SUCLG2: variants seen among roughly 807,000 people sequenced by gnomAD.
The protein encoded by SUCLG2 is succinate--CoA ligase [GDP-forming] subunit beta, mitochondrial.
SUCLG2 carries 42 observed loss-of-function variants against 47.9 expected under a neutral mutation model. The ratio of observed to expected loss-of-function variants is 0.88; its 90% confidence interval spans 0.69 to 1.14. The LOEUF (loss-of-function observed/expected upper bound fraction) is 1.14, where lower values mean the gene tolerates loss of function less well. Ranked by LOEUF, SUCLG2 falls within the 50% of genes most tolerant of loss-of-function variation. The probability of loss-of-function intolerance (pLI) is 0.00; values close to 1 mark genes in which losing one functional copy is unlikely to be tolerated. For missense variants in SUCLG2, 571 were observed against 525.9 expected, an observed-to-expected ratio of 1.09 and a Z score of -0.84; for synonymous variants, 195 against 197.3, an observed-to-expected ratio of 0.99 and a Z score of 0.10.
At chr3:67,520,708 C>T in intron 4 of SUCLG2, 74 bp from the exon 5 acceptor site, 1 of 1,506,630 alleles carries the variant, frequency 6.6e-7, no homozygotes, top group Non-Finnish European at 8.9e-7. Context: ...TACAAACTTG[C>T]TACACGAATC....
chr3:67,416,662 T>C (rs1396112248), intron 9 of SUCLG2, among the ~76,000 whole-genome samples: 1 of 152,196 alleles, frequency 6.6e-6, no homozygotes, highest in Admixed American at 6.5e-5. Flanking sequence ...ACTGTGGAGT[T>C]AACATCACAA....
At chr3:67,539,975 T>C (rs996470662) in intron 2 of SUCLG2, among the ~76,000 whole-genome samples, 2 of 152,050 alleles carry the variant, frequency 1.3e-5, no homozygotes, top group African/African-American at 4.8e-5. Context: ...GCTAGCAGAC[T>C]ATCTATTTTG....
intron 1 of SUCLG2, among the ~76,000 whole-genome samples, chr3:67,618,375 C>T (rs1239144585): frequency 6.6e-6 from 1 of 152,094 alleles, no homozygotes; most frequent in Non-Finnish European, 1.5e-5. Flanking sequence ...GCCGAGATCT[C>T]GCCATTGCAC....
intron 10 of SUCLG2, among the ~76,000 whole-genome samples, chr3:67,398,770 C>G (rs1486424364): frequency 6.6e-6 from 1 of 152,130 alleles, no homozygotes; most frequent in Non-Finnish European, 1.5e-5. Context: ...TGGAACCAAC[C>G]CAAATGTCCA....
chr3:67,481,278 C>T (rs2107016300), intron 9 of SUCLG2, among the ~76,000 whole-genome samples: 1 of 152,346 alleles, frequency 6.6e-6, no homozygotes, highest in East Asian at 1.9e-4. Context: ...CAAACAGGCA[C>T]TGGTACATAA....
intron 2 of SUCLG2, among the ~76,000 whole-genome samples, chr3:67,532,326 G>A (rs946660795): frequency 6.6e-6 from 1 of 152,128 alleles, no homozygotes; most frequent in African/African-American, 2.4e-5. Flanking sequence ...TAGCAGAGAT[G>A]AGGTTTCCCA....
chr3:67,413,118 G>C (rs72918941), intron 9 of SUCLG2, among the ~76,000 whole-genome samples: 2,482 of 135,050 alleles, frequency 0.018, 48 homozygotes, highest in African/African-American at 0.064. Context: ...ATCTGAAATT[G>C]TTGCTCATTA....
At chr3:67,378,021 C>A (rs1046978482) in intron 10 of SUCLG2, among the ~76,000 whole-genome samples, 4 of 152,328 alleles carry the variant, frequency 2.6e-5, no homozygotes, top group Admixed American at 2.6e-4. Flanking sequence ...TGGAGCCAAG[C>A]ATCTTACCCA....
chr3:67,438,962 G>T (rs1031133194), intron 9 of SUCLG2, among the ~76,000 whole-genome samples: 48 of 152,176 alleles, frequency 3.2e-4, no homozygotes, highest in Non-Finnish European at 5.4e-4. Flanking sequence ...CAATATCCAT[G>T]ATGAACATCA....
At chr3:67,394,066 T>C (rs1246928591) in intron 10 of SUCLG2, among the ~76,000 whole-genome samples, 3 of 151,688 alleles carry the variant, frequency 2.0e-5, no homozygotes, top group Non-Finnish European at 4.4e-5. Flanking sequence ...ACCACAAAGA[T>C]GGGGAAAAAA....
At chr3:67,564,092 T>C (rs530272298) in intron 2 of SUCLG2, among the ~76,000 whole-genome samples, 2 of 152,102 alleles carry the variant, frequency 1.3e-5, no homozygotes, top group African/African-American at 2.4e-5. Context: ...ACATTAAGAA[T>C]ATTATAATTT....
intron 9 of SUCLG2, among the ~76,000 whole-genome samples, chr3:67,404,335 GGAGAGAGA>G (rs138202963): frequency 6.7e-6 from 1 of 149,344 alleles, no homozygotes; most frequent in Non-Finnish European, 1.5e-5. Flanking sequence ...AGAGAGCATG[GGAGAGAGA>G]GAGAGAGAGA....
chr3:67,539,592 G>A (rs1273809406), intron 2 of SUCLG2, among the ~76,000 whole-genome samples: 1 of 152,170 alleles, frequency 6.6e-6, no homozygotes, highest in South Asian at 2.1e-4. Context: ...TTAGGGACGA[G>A]TCCCTCCTTT....
chr3:67,414,354 T>G (rs1450003586), intron 9 of SUCLG2, among the ~76,000 whole-genome samples: 1 of 152,240 alleles, frequency 6.6e-6, no homozygotes, highest in Admixed American at 6.5e-5. Context: ...TGACTGTTTT[T>G]ATAGATGTAT....
intron 10 of SUCLG2, among the ~76,000 whole-genome samples, chr3:67,363,347 C>G (rs918030984): frequency 1.3e-5 from 2 of 152,148 alleles, no homozygotes; most frequent in African/African-American, 2.4e-5. Flanking sequence ...AATTGTACCA[C>G]TATACACTAA....
chr3:67,636,804 C>CT (rs751775962), intron 1 of SUCLG2, among the ~76,000 whole-genome samples: 293 of 144,410 alleles, frequency 2.0e-3, no homozygotes, highest in Admixed American at 4.0e-3. Context: ...CTGGCAGTAT[C>CT]TTTTTTTTTT....
At chr3:67,627,822 G>A (rs1174296396) in intron 1 of SUCLG2, among the ~76,000 whole-genome samples, 1 of 152,170 alleles carries the variant, frequency 6.6e-6, no homozygotes, top group Non-Finnish European at 1.5e-5. Flanking sequence ...TGGAGCCACT[G>A]AAACCAGCCA....
chr3:67,468,968 AGG>A (rs1256637981), intron 9 of SUCLG2, among the ~76,000 whole-genome samples: 5 of 152,204 alleles, frequency 3.3e-5, no homozygotes, highest in African/African-American at 1.2e-4. Flanking sequence ...AGTGCGTACA[AGG>A]CTCTCTGCAT....
chr3:67,614,228 C>T (rs1442101493), intron 1 of SUCLG2, among the ~76,000 whole-genome samples: 1 of 152,070 alleles, frequency 6.6e-6, no homozygotes, highest in African/African-American at 2.4e-5. Flanking sequence ...GCCAGCCTGC[C>T]CTCAGGACCA....
Sources: allele counts gnomAD v4.1 joint callset (sites outside exome capture counted in the v4.1 genomes callset), GRCh38; gene constraint gnomAD v4.1.1; transcripts MANE v1.5; gene names NCBI Gene and HGNC (gene_info 2026-07-23, HGNC 2026-07-21).